ITGA2: variants seen among roughly 807,000 people sequenced by gnomAD.
ITGA2 encodes the protein integrin subunit alpha 2, also known as integrin alpha-2.
In ITGA2, 101 loss-of-function variants were observed where a neutral mutation model predicts 146.3. The ratio of observed to expected loss-of-function variants is 0.69; its 90% CI spans 0.59 to 0.81. The LOEUF (loss-of-function observed/expected upper bound fraction) is 0.81. ITGA2 is among the 40% of genes least tolerant of loss of function. The pLI, the probability that ITGA2 is intolerant of heterozygous loss-of-function variation, is 0.00. For missense variants in ITGA2, 1,281 were observed against 1,402.7 expected, an observed-to-expected ratio of 0.91 and a Z score of 1.39; for synonymous variants, 477 against 487.1, an observed-to-expected ratio of 0.98 and a Z score of 0.27.
chr5:53,088,197 T>C (rs931109779), intron 28 of ITGA2, among the ~76,000 whole-genome samples: 2 of 152,194 alleles, frequency 1.3e-5, no homozygotes, highest in Admixed American at 6.5e-5. Context: ...TAGAAAAACA[T>C]AGTGTTCAGA....
In ITGA2 at chr5:52,989,575, G is replaced by A. The variant is rs200410974; in HGVS notation, c.64+43G>A. The A allele has an allele frequency of 2.3e-3, 3,663 of 1,607,958 alleles. 6 individuals are homozygous for A. The highest frequency in any genetic ancestry group is 2.9e-3 in the Non-Finnish European group (3,371 of 1,174,644). On this transcript the variant is annotated intron_variant, in intron 1 of 29. Coordinates refer to ENST00000296585, the MANE Select transcript of ITGA2 (RefSeq NM_002203.4). The stretch of plus-strand genomic sequence containing the variant: ...TCTGCATCGGCTGCAGGAGGGACCC[G>A]CGCGGCTTCCTGGGGCTCGCTGGAG...
chr5:53,084,951 A>G (rs1403653046), intron 27 of ITGA2, among the ~76,000 whole-genome samples: 1 of 152,234 alleles, frequency 6.6e-6, no homozygotes, highest in Non-Finnish European at 1.5e-5. Context: ...CTTCCTAGAA[A>G]GTGTAGTATT....
intron 1 of ITGA2, among the ~76,000 whole-genome samples, chr5:52,990,565 GT>G (rs1561272319): frequency 2.7e-5 from 2 of 74,844 alleles, no homozygotes; most frequent in East Asian, 3.8e-4. Flanking sequence ...AAGTGTGTGT[GT>G]GGTTTTTTTT....
chr5:53,046,792 G>C (rs1222022709), intron 4 of ITGA2, among the ~76,000 whole-genome samples: 2 of 152,084 alleles, frequency 1.3e-5, no homozygotes, highest in Non-Finnish European at 2.9e-5. Context: ...ATGTGGAAAA[G>C]ACTGACAATC....
Position 53,094,772 on chromosome 5 carries a change from A to G in ITGA2, c.*4173A>G, listed in dbSNP as rs1365469236. ...ATAAAGCCATTTTCTTTGGGCTTTTATAAGTTATATATTTTACTATTTTTA... is the reference window on the plus strand; with the variant it reads ...ATAAAGCCATTTTCTTTGGGCTTTTGTAAGTTATATATTTTACTATTTTTA... On this transcript the variant is annotated 3_prime_UTR_variant, in exon 30 of 30. Transcript: ENST00000296585. 6.6e-6 allele frequency: 1 copy of G among 152,160 alleles called. No individual in the cohort carries two copies. The allele number at this position is 152,160 out of a possible 1,614,324, so 9.4% of individuals were successfully genotyped here. A position where few individuals can be genotyped will look rare whatever the true frequency, so the allele number is the denominator to read the frequency against.
intron 1 of ITGA2, among the ~76,000 whole-genome samples, chr5:53,018,276 G>A (rs1361847850): frequency 6.6e-6 from 1 of 152,146 alleles, no homozygotes; most frequent in Non-Finnish European, 1.5e-5. Context: ...AATCCTCTGG[G>A]CTCCCCACTG....
chr5:53,056,158 A>C lies in ITGA2; in HGVS notation c.1096+9A>C. 6.2e-7 allele frequency: 1 copy of C among 1,609,544 alleles called. No homozygotes were observed. The highest frequency in any genetic ancestry group is 1.1e-5 in the South Asian group (1 of 90,622). The stretch of plus-strand genomic sequence containing the variant: ...AATTTTCAGCATTGAAGGTAAAAAA[A>C]ATAACCTCCTTTCAAGAATTTTCTT... On this transcript the variant is annotated intron_variant, in intron 9 of 29. Coordinates refer to ENST00000296585, the MANE Select transcript of ITGA2 (RefSeq NM_002203.4).
rs77562653 is a variant in ITGA2 at position 53,027,276 on chromosome 5, A to C, written c.185+408A>C. Among the ~76,000 whole-genome samples, 7 of 152,316 alleles carry C rather than the reference A, an allele frequency of 4.6e-5. No homozygotes were observed. In the East Asian group the frequency reaches 1.3e-3, roughly 29 times the overall value. Reference sequence around the variant, plus strand: ...TTTCTAAATGGTAGAATTGTTTCCTACATTTTTTTCTTTAGCAAGGTTTTG... The same window carrying C: ...TTTCTAAATGGTAGAATTGTTTCCTCCATTTTTTTCTTTAGCAAGGTTTTG... On this transcript the variant is annotated intron_variant, in intron 2 of 29. Coordinates refer to ENST00000296585, the MANE Select transcript of ITGA2 (RefSeq NM_002203.4).
intron 3 of ITGA2, among the ~76,000 whole-genome samples, chr5:53,044,619 AT>A (rs1170330788): frequency 6.6e-6 from 1 of 151,730 alleles, no homozygotes; most frequent in African/African-American, 2.4e-5. Context: ...CTTCAAGGAT[AT>A]TTTTACTGAC....
chr5:52,997,000 AATT>A (rs1351492550), intron 1 of ITGA2, among the ~76,000 whole-genome samples: 1 of 152,232 alleles, frequency 6.6e-6, no homozygotes, highest in Non-Finnish European at 1.5e-5. Flanking sequence ...TTGAATCATA[AATT>A]AGAAAAGAAG....
At chr5:53,037,383 T>G (rs147572907) in intron 2 of ITGA2, among the ~76,000 whole-genome samples, 138 of 152,356 alleles carry the variant, frequency 9.1e-4, no homozygotes, top group African/African-American at 2.9e-3. Context: ...GGGATTAAAT[T>G]AAATCCATTA....
rs1227012603 is a variant in ITGA2, at chr5:53,020,883, C to T, written c.65-5865C>T. ...TTTTTTTTTGTATTTTTAGTAGAGA[C>T]GGGGTTTCACTATGTTGGCCAGGCT... On this transcript the variant is annotated intron_variant, in intron 1 of 29. Coordinates refer to ENST00000296585, the MANE Select transcript of ITGA2 (RefSeq NM_002203.4). Among the ~76,000 whole-genome samples, 176 of 143,272 alleles carry T rather than the reference C, an allele frequency of 1.2e-3. 1 individual carries two copies. Among genetic ancestry groups the T allele is most frequent in the African/African-American group, 4.2e-3 (161 of 38,562 alleles). 94.0% of individuals were successfully genotyped at this position (143,272 alleles called of 152,430 possible). A position where few individuals can be genotyped will look rare whatever the true frequency, so the allele number is the denominator to read the frequency against.
chr5:52,989,574 C>T (rs1247252005), intron 1 of ITGA2, 42 bp downstream of exon 1: 1 of 1,607,464 alleles, frequency 6.2e-7, no homozygotes. Flanking sequence ...AGGAGGGACC[C>T]GCGCGGCTTC....
At chr5:53,037,627 G>T (rs1308832717) in intron 2 of ITGA2, among the ~76,000 whole-genome samples, 2 of 152,150 alleles carry the variant, frequency 1.3e-5, no homozygotes, top group African/African-American at 2.4e-5. Context: ...TCAGGAACTA[G>T]GATTTCACCG....
At chr5:53,065,501 C>G (rs1745104092) in intron 14 of ITGA2, among the ~76,000 whole-genome samples, 1 of 151,868 alleles carries the variant, frequency 6.6e-6, no homozygotes, top group African/African-American at 2.4e-5. Context: ...TGAGGCCTCA[C>G]TGAGCAGCCA....
At position 53,048,771 on chromosome 5, in the gene ITGA2, G is replaced by A. The variant is rs753644485; in HGVS notation, c.630+1G>A. 2 of 1,613,784 alleles carry A rather than the reference G, an allele frequency of 1.2e-6. No individual in the cohort carries two copies. Among genetic ancestry groups the A allele is most frequent in the South Asian group, 2.2e-5 (2 of 91,056 alleles). On this transcript the variant is annotated splice_donor_variant, in intron 6 of 29. Transcript: ENST00000296585. LOFTEE classifies it high-confidence loss of function. ...GGATATAGGCCCCACAAAGACACAG[G>A]TATGGCTAACAGAAATGCATAACTA...
At chr5:53,031,828 G>A (rs1402626201) in intron 2 of ITGA2, among the ~76,000 whole-genome samples, 2 of 152,164 alleles carry the variant, frequency 1.3e-5, no homozygotes, top group East Asian at 1.9e-4. Flanking sequence ...CCGCTTCAGA[G>A]CCCTCACTTC....
intron 2 of ITGA2, among the ~76,000 whole-genome samples, chr5:53,040,552 G>T (rs1388477355): frequency 6.6e-6 from 1 of 152,106 alleles, no homozygotes; most frequent in African/African-American, 2.4e-5. Flanking sequence ...TTTTTCAAAA[G>T]CCTTAACCTA....
rs761497844 is a variant in ITGA2 at position 53,051,385 on chromosome 5, A to C, written c.631-26A>C. On this transcript the variant is annotated intron_variant, in intron 6 of 29. Coordinates refer to ENST00000296585, the MANE Select transcript of ITGA2 (RefSeq NM_002203.4). ...ATTATTTTTAATGTAATGACAGCCCATTAATAAATGTCTCCTCTGTTGAAG... is the reference window on the plus strand; with the variant it reads ...ATTATTTTTAATGTAATGACAGCCCCTTAATAAATGTCTCCTCTGTTGAAG... The C allele has an allele frequency of 1.9e-6, 3 of 1,608,964 alleles. No homozygotes were observed. The East Asian group carries it at 6.7e-5, about 36-fold the overall frequency.
Sources: gnomAD v4.1 joint callset for allele counts (sites outside exome capture counted in the v4.1 genomes callset) on GRCh38, gnomAD v4.1.1 for gene constraint, MANE v1.5 for transcripts, NCBI Gene and HGNC (gene_info 2026-07-23, HGNC 2026-07-21) for gene names.